PCDHA5: variants seen among roughly 807,000 people sequenced by gnomAD.
The protein encoded by PCDHA5 is protocadherin alpha 5, also known as protocadherin alpha-5.
Under a neutral mutation model 61.6 loss-of-function variants are expected in PCDHA5, and 43 were observed. The ratio of observed to expected loss-of-function variants is 0.70; its 90% CI spans 0.55 to 0.90. The LOEUF is 0.90. Among genes scored for constraint, PCDHA5 ranks in the 40% least tolerant of loss-of-function variants. The pLI, the probability that PCDHA5 is intolerant of heterozygous loss-of-function variation, is 0.00. For synonymous variants in PCDHA5, 627 were observed against 543.9 expected (o/e 1.15, Z -2.13); for missense variants, 1,298 against 1,222.7 (o/e 1.06, Z -0.92).
chr5:140,882,336 C>T, intron 1 of PCDHA5: 1 of 1,614,162 alleles, frequency 6.2e-7, no homozygotes, highest in Non-Finnish European at 8.5e-7. Flanking sequence ...ATCCTCGCAG[C>T]CTGGGAGACG....
chr5:140,857,165 G>A (rs1554149609), intron 1 of PCDHA5: 2 of 1,598,302 alleles, frequency 1.3e-6, no homozygotes, highest in African/African-American at 2.7e-5. Flanking sequence ...CCTAATCAGC[G>A]TTTCTGACCA....
At chr5:140,926,185 GCAGCACTT>G (rs1563077744) in intron 1 of PCDHA5, among the ~76,000 whole-genome samples, 1 of 151,672 alleles carries the variant, frequency 6.6e-6, no homozygotes, top group East Asian at 1.9e-4. Flanking sequence ...AAAGCCCCCC[GCAGCACTT>G]CTTTCGGGGG....
At chr5:140,962,224 A>C (rs2095665980) in intron 1 of PCDHA5, among the ~76,000 whole-genome samples, 1 of 152,152 alleles carries the variant, frequency 6.6e-6, no homozygotes. Flanking sequence ...TTGAGGTTCA[A>C]GTTTCACTTA....
chr5:140,992,393 A>C (rs2097508684), intron 3 of PCDHA5, among the ~76,000 whole-genome samples: 1 of 152,180 alleles, frequency 6.6e-6, no homozygotes, highest in South Asian at 2.1e-4. Context: ...TTCTGGACTT[A>C]GAGATATTGT....
At chr5:140,915,469 A>G (rs2077137068) in intron 1 of PCDHA5, among the ~76,000 whole-genome samples, 1 of 152,034 alleles carries the variant, frequency 6.6e-6, no homozygotes, top group Admixed American at 6.6e-5. Context: ...TTTTTATTTG[A>G]AGGAGCTTGG....
At chr5:140,871,074 G>A (rs1210767724) in intron 1 of PCDHA5, 1 of 1,613,096 alleles carries the variant, frequency 6.2e-7, no homozygotes, top group African/African-American at 1.3e-5. Context: ...GTGAGCCGGC[G>A]CTGACGGCCA....
At chr5:140,824,487 C>T in intron 1 of PCDHA5, 1 of 356,814 alleles carries the variant, frequency 2.8e-6, no homozygotes, top group Non-Finnish European at 5.1e-6. Flanking sequence ...TTTTTAGAGA[C>T]CCTTTGTTGC....
At chr5:140,858,581 T>A in intron 1 of PCDHA5, 1 of 1,350,098 alleles carries the variant, frequency 7.4e-7, no homozygotes, top group Non-Finnish European at 1.0e-6. Flanking sequence ...CTTTGTAATA[T>A]AATTTATTCC....
intron 1 of PCDHA5, among the ~76,000 whole-genome samples, chr5:140,900,977 C>T (rs1223245503): frequency 2.0e-5 from 3 of 152,112 alleles, no homozygotes; most frequent in South Asian, 2.1e-4. Flanking sequence ...AGTATCTTTT[C>T]CTATACCTGT....
intron 1 of PCDHA5, among the ~76,000 whole-genome samples, chr5:140,904,227 C>G (rs1373458999): frequency 2.6e-5 from 4 of 151,978 alleles, no homozygotes; most frequent in Middle Eastern, 3.2e-3. Context: ...TTGTATTATA[C>G]TTATGCCTTT....
chr5:140,986,566 TTA>T (rs782155316), intron 3 of PCDHA5, among the ~76,000 whole-genome samples: 3 of 152,114 alleles, frequency 2.0e-5, no homozygotes, highest in Non-Finnish European at 4.4e-5. Context: ...TTGTTATCTG[TTA>T]TTGGTTTTTC....
chr5:140,843,577 A>G, intron 1 of PCDHA5: 1 of 1,595,954 alleles, frequency 6.3e-7, no homozygotes, highest in East Asian at 2.2e-5. Context: ...CATACTCGCA[A>G]CAACAGCCGC....
intron 1 of PCDHA5, among the ~76,000 whole-genome samples, chr5:140,950,272 CT>C (rs373882606): frequency 7.9e-5 from 12 of 151,950 alleles, no homozygotes; most frequent in African/African-American, 2.9e-4. Flanking sequence ...TCCATAATGT[CT>C]TTTTGCTTCA....
chr5:140,835,849 T>A (rs2150246527), intron 1 of PCDHA5: 15 of 1,612,302 alleles, frequency 9.3e-6, no homozygotes, highest in Non-Finnish European at 1.3e-5. Flanking sequence ...AAGAACGCGC[T>A]GGTGTCCTAC....
chr5:140,982,604 A>G, intron 3 of PCDHA5, 41 bp downstream of exon 3: 1 of 1,607,164 alleles, frequency 6.2e-7, no homozygotes, highest in Non-Finnish European at 8.5e-7. Context: ...TGGTTTCTGG[A>G]AAGTGATCAG....
At chr5:140,942,737 A>C (rs180744405) in intron 1 of PCDHA5, among the ~76,000 whole-genome samples, 1 of 152,354 alleles carries the variant, frequency 6.6e-6, no homozygotes, top group East Asian at 1.9e-4. Context: ...AAAATATTTT[A>C]AAATCTTGTA....
chr5:140,869,793 C>A (rs782122541), intron 1 of PCDHA5: 44 of 1,612,682 alleles, frequency 2.7e-5, no homozygotes, highest in Non-Finnish European at 3.7e-5. Context: ...GGCTGTTAGT[C>A]CAAGTCTTGG....
At chr5:140,919,406 T>C (rs1325443914) in intron 1 of PCDHA5, among the ~76,000 whole-genome samples, 1 of 152,254 alleles carries the variant, frequency 6.6e-6, no homozygotes, top group East Asian at 1.9e-4. Flanking sequence ...CTAAAAACTC[T>C]AGACTGACAA....
chr5:140,838,077 AGTGTGTGT>A (rs2150283763), intron 1 of PCDHA5, among the ~76,000 whole-genome samples: 8,999 of 80,104 alleles, frequency 0.11, 350 homozygotes, highest in Admixed American at 0.12. Context: ...ATATATATAT[AGTGTGTGT>A]GTGTGTGTGT....
Sources: gnomAD v4.1 joint callset for allele counts (sites outside exome capture counted in the v4.1 genomes callset) on GRCh38, gnomAD v4.1.1 for gene constraint, MANE v1.5 for transcripts, NCBI Gene and HGNC (gene_info 2026-07-23, HGNC 2026-07-21) for gene names.